Variants in KLF12 observed in about 807,000 individuals in gnomAD.
KLF12 encodes the protein KLF transcription factor 12.
KLF12 carries 9 observed loss-of-function variants against 37.8 expected under a neutral mutation model. The observed-to-expected ratio is 0.24, with a 90% CI of 0.14 to 0.42. The LOEUF (loss-of-function observed/expected upper bound fraction) is 0.42. KLF12 is among the 10% of genes least tolerant of loss of function. The probability of loss-of-function intolerance (pLI) is 1.00; values close to 1 mark genes in which losing one functional copy is unlikely to be tolerated. For missense variants in KLF12, 411 were observed against 516.0 expected (o/e 0.80, Z 1.97); for synonymous variants, 208 against 202.1 (o/e 1.03, Z -0.25).
intron 7 of KLF12, among the ~76,000 whole-genome samples, chr13:73,705,621 A>G (rs1874875459): frequency 6.6e-6 from 1 of 152,222 alleles, no homozygotes; most frequent in Non-Finnish European, 1.5e-5. Context: ...ATCAAAATAC[A>G]ATTCCTTATT....
At chr13:73,823,945 G>C (rs1422851037) in intron 4 of KLF12, among the ~76,000 whole-genome samples, 1 of 151,954 alleles carries the variant, frequency 6.6e-6, no homozygotes, top group Non-Finnish European at 1.5e-5. Flanking sequence ...CCTGACCTCA[G>C]GTGATCCACC....
chr13:74,069,797 G>A (rs1362783023), intron 1 of KLF12, among the ~76,000 whole-genome samples: 2 of 152,180 alleles, frequency 1.3e-5, no homozygotes, highest in African/African-American at 2.4e-5. Flanking sequence ...CGTGAAAAGA[G>A]TGAAGGATAA....
rs1278250044 is a variant in KLF12 at position 73,691,640 on chromosome 13, T to A, written c.*3850A>T. 6.6e-6 allele frequency: 1 copy of A among 152,620 alleles called. No individual in the cohort carries two copies. The highest frequency in any genetic ancestry group is 1.5e-5 in the Non-Finnish European group (1 of 68,044). 9.5% of individuals were successfully genotyped at this position (152,620 alleles called of 1,614,324 possible). A position where few individuals can be genotyped will look rare whatever the true frequency, so the allele number is the denominator to read the frequency against. On this transcript the variant is annotated 3_prime_UTR_variant, in exon 8 of 8. Transcript: ENST00000377669. ...TCATGGCTACATTTCTAAGCAGTCATAACAACATAACAAAGGCGTATTAAT... is the reference window on the plus strand; with the variant it reads ...TCATGGCTACATTTCTAAGCAGTCAAAACAACATAACAAAGGCGTATTAAT...
chr13:73,817,315 T>G (rs1452589609), intron 4 of KLF12, among the ~76,000 whole-genome samples: 1 of 96,274 alleles, frequency 1.0e-5, no homozygotes, highest in African/African-American at 4.0e-5. Flanking sequence ...TGAGATCCTG[T>G]TTCAAAAAAA....
the KLF12 span, among the ~76,000 whole-genome samples, chr13:74,280,144 T>C: frequency 1.3e-5 from 2 of 152,222 alleles, no homozygotes; most frequent in Non-Finnish European, 2.9e-5. Flanking sequence ...TCTATTAAAT[T>C]CTATTGTCAC....
chr13:73,773,865 GC>G (rs1260205252), intron 5 of KLF12, among the ~76,000 whole-genome samples: 2 of 151,816 alleles, frequency 1.3e-5, no homozygotes, highest in African/African-American at 2.4e-5. Context: ...TTTATTCACA[GC>G]CCCCCTTACC....
At chr13:73,922,548 G>C (rs1889166746) in intron 3 of KLF12, among the ~76,000 whole-genome samples, 1 of 152,088 alleles carries the variant, frequency 6.6e-6, no homozygotes, top group Non-Finnish European at 1.5e-5. Context: ...GGGGTGGGGA[G>C]GTATAATCTG....
chr13:73,933,926 G>T (rs1213655875), intron 3 of KLF12, among the ~76,000 whole-genome samples: 1 of 151,894 alleles, frequency 6.6e-6, no homozygotes, highest in East Asian at 1.9e-4. Context: ...TATTCACAAC[G>T]CTGTATAACA....
chr13:73,969,031 A>T (rs914889153), intron 2 of KLF12, among the ~76,000 whole-genome samples: 2 of 3,086 alleles, frequency 6.5e-4, no homozygotes, highest in African/African-American at 1.3e-3. Flanking sequence ...CCATACTTTA[A>T]AAAAAAAAAA....
chr13:73,901,460 C>T (rs1280017609), intron 3 of KLF12, among the ~76,000 whole-genome samples: 1 of 152,078 alleles, frequency 6.6e-6, no homozygotes, highest in East Asian at 1.9e-4. Context: ...TTTACATTAG[C>T]CTCCTATTAA....
In KLF12 at chr13:73,783,136, A is replaced by C. The variant is rs1881080876; in HGVS notation, c.807-18136T>G. 2.0e-5 allele frequency among the ~76,000 whole-genome samples: 3 copies of C among 151,838 alleles called. No homozygotes were observed. The South Asian group carries it at 6.3e-4, about 32-fold the overall frequency. ...TATAAGGGTTGAAGGGCTTACATAA[A>C]TACAGGCTTAAAAAAAGTATAAAAT... On this transcript the variant is annotated intron_variant, in intron 5 of 7. Coordinates refer to ENST00000377669, the MANE Select transcript of KLF12 (RefSeq NM_007249.5).
chr13:73,956,997 G>T (rs1890856615), intron 2 of KLF12, among the ~76,000 whole-genome samples: 1 of 138,354 alleles, frequency 7.2e-6, no homozygotes, highest in Non-Finnish European at 1.6e-5. Context: ...GAAGGGAAAG[G>T]AGGGAAAGGA....
chr13:73,742,524 T>G (rs1878072300), intron 6 of KLF12, among the ~76,000 whole-genome samples: 1 of 152,226 alleles, frequency 6.6e-6, no homozygotes, highest in Non-Finnish European at 1.5e-5. Flanking sequence ...TCATTTTATT[T>G]AATTCTTCCA....
At chr13:74,192,762 A>C in the KLF12 span, among the ~76,000 whole-genome samples, 1 of 152,216 alleles carries the variant, frequency 6.6e-6, no homozygotes, top group African/African-American at 2.4e-5. Flanking sequence ...TGGACAGTCT[A>C]GTAAAATCTG....
chr13:73,984,866 A>G (rs866002536), intron 2 of KLF12, among the ~76,000 whole-genome samples: 1 of 152,192 alleles, frequency 6.6e-6, no homozygotes, highest in African/African-American at 2.4e-5. Flanking sequence ...CTCCAGTCAC[A>G]TGTGCTCTTC....
At chr13:74,116,491 A>T (rs554291182) in intron 1 of KLF12, among the ~76,000 whole-genome samples, 1 of 152,282 alleles carries the variant, frequency 6.6e-6, no homozygotes, top group East Asian at 1.9e-4. Flanking sequence ...TTAAAGCCTT[A>T]CCTCTCAAGA....
chr13:73,841,096 C>T lies in KLF12; in HGVS notation c.670+4731G>A, dbSNP rs577170815. On this transcript the variant is annotated intron_variant, in intron 4 of 7. Coordinates refer to ENST00000377669, the MANE Select transcript of KLF12 (RefSeq NM_007249.5). Reference sequence around the variant, plus strand: ...ACTTGTAGCATCTGATACACATGAACTGTCACTGCTACTAGAATGTAAGGT... The same window carrying T: ...ACTTGTAGCATCTGATACACATGAATTGTCACTGCTACTAGAATGTAAGGT... Among the ~76,000 whole-genome samples, 3 of 152,300 alleles carry T rather than the reference C, an allele frequency of 2.0e-5. No individual in the cohort carries two copies. In the East Asian group the frequency reaches 5.8e-4, roughly 29 times the overall value.
intron 1 of KLF12, among the ~76,000 whole-genome samples, chr13:74,086,871 T>C (rs1348294523): frequency 6.6e-6 from 1 of 152,138 alleles, no homozygotes; most frequent in African/African-American, 2.4e-5. Context: ...TAAAATGTTA[T>C]TAAGAAAATC....
the KLF12 span, among the ~76,000 whole-genome samples, chr13:74,182,336 CT>C: frequency 6.6e-6 from 1 of 152,214 alleles, no homozygotes; most frequent in African/African-American, 2.4e-5. Flanking sequence ...GCTAGAGTCA[CT>C]TTTGTCCAAG....
Sources: allele counts gnomAD v4.1 joint callset (sites outside exome capture counted in the v4.1 genomes callset), GRCh38; gene constraint gnomAD v4.1.1; transcripts MANE v1.5; gene names NCBI Gene and HGNC (gene_info 2026-07-23, HGNC 2026-07-21).